Variants in RXRA observed in about 807,000 individuals in gnomAD.
RXRA encodes the protein retinoic acid receptor RXR-alpha.
In RXRA, 5 loss-of-function variants were observed where a neutral mutation model predicts 44.5. That is an observed-to-expected ratio of 0.11 (90% CI 0.06 to 0.24). The LOEUF is 0.24. Ranked by LOEUF, RXRA falls within the 10% of genes least tolerant of loss-of-function variation. RXRA has a pLI of 1.00. For missense variants in RXRA, 412 were observed against 646.5 expected, an observed-to-expected ratio of 0.64 and a Z score of 3.93; for synonymous variants, 291 against 271.4, an observed-to-expected ratio of 1.07 and a Z score of -0.71.
chr9:134,417,388 C>A lies in RXRA; in HGVS notation c.780+61C>A. On this transcript the variant is annotated intron_variant, in intron 5 of 9. Transcript: ENST00000481739. This position sits in a 1 kb window ranked among gnomAD's most constrained non-coding sequence, Gnocchi z 6.1. ...CATGCCTCAGTTTCCCTCACTCACT[C>A]ACCCTCCCACCTGAGCAGCTGATGA... 1 of 1,561,458 alleles carries A rather than the reference C, an allele frequency of 6.4e-7. No individual in the cohort carries two copies. The highest frequency in any genetic ancestry group is 8.7e-7 in the Non-Finnish European group (1 of 1,144,612).
intron 6 of RXRA, chr9:134,423,095 C>G: frequency 3.0e-6 from 3 of 985,488 alleles, no homozygotes; most frequent in Non-Finnish European, 3.6e-6. Flanking sequence ...GGGCAGGCCC[C>G]CCGCAAAGCT....
At chr9:134,393,120 G>A (rs745628303) in intron 1 of RXRA, among the ~76,000 whole-genome samples, 6 of 152,204 alleles carry the variant, frequency 3.9e-5, no homozygotes, top group Non-Finnish European at 8.8e-5. Context: ...GCCAGCGTCT[G>A]GGGCATCGGA....
chr9:134,393,910 A>C (rs1479661445), intron 1 of RXRA, among the ~76,000 whole-genome samples: 1 of 152,068 alleles, frequency 6.6e-6, no homozygotes, highest in African/African-American at 2.4e-5. Context: ...AAGGGTGGCC[A>C]TCAGCCTCGG....
chr9:134,395,347 C>T (rs995127810), intron 1 of RXRA, among the ~76,000 whole-genome samples: 2 of 152,274 alleles, frequency 1.3e-5, no homozygotes, highest in Admixed American at 6.5e-5. Flanking sequence ...GCCCACTGGC[C>T]GGCCATGGGG....
intron 1 of RXRA, among the ~76,000 whole-genome samples, chr9:134,363,063 G>C (rs1174082892): frequency 2.6e-5 from 4 of 152,362 alleles, no homozygotes; most frequent in South Asian, 4.1e-4. Context: ...CCAGACAGAA[G>C]CTAGGAAGTG....
chr9:134,438,553 ATACCTG>A lies in RXRA; in HGVS notation c.*1944_*1949del, dbSNP rs1564302896. On this transcript the variant is annotated 3_prime_UTR_variant, in exon 10 of 10. Transcript: ENST00000481739. The stretch of plus-strand genomic sequence containing the variant: ...GTCCTGAGGCAGAGTGTTGAGCCTC[ATACCTG>A]TACCAGGTCCCCGGCCAGCTGGGCC... 1 of 152,460 alleles carries A rather than the reference ATACCTG, an allele frequency of 6.6e-6. No homozygotes were observed. The highest frequency in any genetic ancestry group is 2.4e-5 in the African/African-American group (1 of 41,436). The allele number at this position is 152,460 out of a possible 1,614,324, so 9.4% of individuals were successfully genotyped here.
chr9:134,410,514 G>T (rs1356595242), intron 4 of RXRA, among the ~76,000 whole-genome samples: 1 of 152,250 alleles, frequency 6.6e-6, no homozygotes, highest in Non-Finnish European at 1.5e-5. Context: ...GCCTGGAGAG[G>T]TGTGGACCCA....
chr9:134,423,897 C>A (rs572957158), intron 6 of RXRA: 1 of 985,406 alleles, frequency 1.0e-6, no homozygotes, highest in South Asian at 4.7e-5. Context: ...CCCACCAGAC[C>A]GATCCAGAGA....
intron 1 of RXRA, among the ~76,000 whole-genome samples, chr9:134,358,168 C>T (rs1013536823): frequency 6.6e-5 from 10 of 152,386 alleles, no homozygotes; most frequent in East Asian, 1.9e-4. Flanking sequence ...CGGAGCCAGG[C>T]GTGAGCCCGT....
At chr9:134,423,350 C>G (rs1020484263) in intron 6 of RXRA, 9 of 985,352 alleles carry the variant, frequency 9.1e-6, no homozygotes, top group African/African-American at 1.7e-5. Flanking sequence ...GGCCCGCTAC[C>G]GCACTGTGGG....
At chr9:134,371,275 C>A (rs1329125680) in intron 1 of RXRA, among the ~76,000 whole-genome samples, 4 of 152,206 alleles carry the variant, frequency 2.6e-5, no homozygotes, top group Non-Finnish European at 5.9e-5. Flanking sequence ...CTTGACCCCC[C>A]CAGGCCTCTG....
chr9:134,377,991 C>T lies in RXRA; in HGVS notation c.29-23641C>T, dbSNP rs149758691. On this transcript the variant is annotated intron_variant, in intron 1 of 9. Coordinates refer to ENST00000481739, the MANE Select transcript of RXRA (RefSeq NM_002957.6). ...GGGCAGGTTATGTGCAGCTCAGCGT[C>T]GGCCACACCCAGGCCTGGCCCCTGT... Among the ~76,000 whole-genome samples, 447 of 152,354 alleles carry T rather than the reference C, an allele frequency of 2.9e-3. 3 individuals are homozygous for T. Among genetic ancestry groups the T allele is most frequent in the African/African-American group, 9.9e-3 (412 of 41,580 alleles).
chr9:134,436,840 G>C lies in RXRA; in HGVS notation c.*226G>C. On this transcript the variant is annotated 3_prime_UTR_variant, in exon 10 of 10. Coordinates refer to ENST00000481739, the MANE Select transcript of RXRA (RefSeq NM_002957.6). ...TGGCTTTCCTGAGGCAGCAGCCTTC[G>C]TGGCAAGAACTAGCGTGAGCCCAGC... The C allele has an allele frequency of 3.5e-6, 2 of 568,090 alleles. No homozygotes were observed. The highest frequency in any genetic ancestry group is 4.2e-5 in the South Asian group (2 of 47,140). 35.2% of individuals were successfully genotyped at this position (568,090 alleles called of 1,614,324 possible). A position where few individuals can be genotyped will look rare whatever the true frequency, so the allele number is the denominator to read the frequency against.
chr9:134,380,098 C>G (rs572806818), intron 1 of RXRA: 36 of 985,358 alleles, frequency 3.7e-5, no homozygotes, highest in Non-Finnish European at 2.9e-5. Flanking sequence ...CGTGGTCAGT[C>G]GTGCCGCCTG....
At position 134,426,319 on chromosome 9, in the gene RXRA, A is replaced by C. The variant is rs903929802; in HGVS notation, c.911-2789A>C. 1.3e-4 allele frequency: 130 copies of C among 985,304 alleles called. No individual in the cohort carries two copies. The highest frequency in any genetic ancestry group is 1.6e-4 in the Non-Finnish European group (129 of 829,936). The allele number at this position is 985,304 out of a possible 1,614,324, so 61.0% of individuals were successfully genotyped here. A position where few individuals can be genotyped will look rare whatever the true frequency, so the allele number is the denominator to read the frequency against. On this transcript the variant is annotated intron_variant, in intron 6 of 9. Coordinates refer to ENST00000481739, the MANE Select transcript of RXRA (RefSeq NM_002957.6). The surrounding 1 kb of genome is among the most constrained non-coding windows in gnomAD (Gnocchi z 4.6). ...TCCTTCCTGCAGCGATGGAGCACTT[A>C]GGAAGGTGAAGACACCCCAAAGGTT...
At chr9:134,392,576 G>A (rs1435760483) in intron 1 of RXRA, among the ~76,000 whole-genome samples, 4 of 152,290 alleles carry the variant, frequency 2.6e-5, no homozygotes, top group South Asian at 2.1e-4. Context: ...CCTCCTTGGC[G>A]CTGGCTGGGC....
intron 6 of RXRA, chr9:134,424,527 C>T: frequency 1.0e-6 from 1 of 985,422 alleles, no homozygotes; most frequent in Non-Finnish European, 1.2e-6. Context: ...GTCCCAGCCC[C>T]ACTACCCACG....
At chr9:134,380,277 C>T (rs1276743961) in intron 1 of RXRA, 19 of 826,562 alleles carry the variant, frequency 2.3e-5, no homozygotes, top group Admixed American at 6.2e-5. Context: ...TGTGAGCTGG[C>T]GTGCTGAGGC....
At chr9:134,378,813 T>C (rs1384898165) in intron 1 of RXRA, among the ~76,000 whole-genome samples, 1 of 152,090 alleles carries the variant, frequency 6.6e-6, no homozygotes, top group African/African-American at 2.4e-5. Flanking sequence ...CTTGTAGGGG[T>C]GCCTGCAGGA....
Sources: allele counts gnomAD v4.1 joint callset (sites outside exome capture counted in the v4.1 genomes callset), GRCh38; gene constraint gnomAD v4.1.1; non-coding constraint Gnocchi (gnomAD v3.1); transcripts MANE v1.5; gene names NCBI Gene and HGNC (gene_info 2026-07-23, HGNC 2026-07-21).